Variants in CCDC178 observed in about 807,000 individuals in gnomAD.
CCDC178 encodes the protein coiled-coil domain-containing protein 178.
In CCDC178, 126 loss-of-function variants were observed where a neutral mutation model predicts 117.4. The observed-to-expected ratio is 1.07, with a 90% CI of 0.93 to 1.24. The LOEUF is 1.24. Among genes scored for constraint, CCDC178 ranks in the 50% most tolerant of loss-of-function variants. CCDC178 has a pLI of 0.00. For synonymous variants in CCDC178, 283 were observed against 313.4 expected (o/e 0.90, Z 1.02); for missense variants, 1,030 against 986.9 (o/e 1.04, Z -0.59).
At chr18:33,234,148 C>T (rs1250883586) in intron 15 of CCDC178, among the ~76,000 whole-genome samples, 1 of 152,052 alleles carries the variant, frequency 6.6e-6, no homozygotes, top group African/African-American at 2.4e-5. Flanking sequence ...TGTTTATTTA[C>T]TTCCTCAAAT....
At chr18:33,354,892 G>A (rs907410737) in intron 7 of CCDC178, among the ~76,000 whole-genome samples, 4 of 152,114 alleles carry the variant, frequency 2.6e-5, no homozygotes, top group Non-Finnish European at 4.4e-5. Flanking sequence ...TTACAGGCAT[G>A]AGCCACCGCA....
At chr18:33,179,514 A>G (rs183272416) in intron 20 of CCDC178, among the ~76,000 whole-genome samples, 1 of 152,096 alleles carries the variant, frequency 6.6e-6, no homozygotes, top group African/African-American at 2.4e-5. Flanking sequence ...ACACAAAGGA[A>G]ATATAACCCA....
rs761128297 is a variant in CCDC178 at position 33,224,772 on chromosome 18, T to C, written c.1818+3A>G. On this transcript the variant is annotated splice_donor_region_variant and intron_variant, in intron 17 of 22. Coordinates refer to ENST00000383096, the MANE Select transcript of CCDC178 (RefSeq NM_001105528.4). ...TTAATTTTTGGATTAATTAAATGCT[T>C]ACAACAGAATGTTCTTTGTCGAGAC... 2.0e-6 allele frequency: 3 copies of C among 1,495,184 alleles called. No individual in the cohort carries two copies. In the African/African-American group the frequency reaches 4.3e-5, roughly 21 times the overall value. 92.6% of individuals were successfully genotyped at this position (1,495,184 alleles called of 1,614,324 possible).
rs976616441 is a variant in CCDC178, at chr18:33,412,071, T to C, written c.18A>G (p.Thr6=). 2 of 1,499,918 alleles carry C rather than the reference T, an allele frequency of 1.3e-6. No homozygotes were observed. Among genetic ancestry groups the C allele is most frequent in the South Asian group, 1.2e-5 (1 of 83,500 alleles). The allele number at this position is 1,499,918 out of a possible 1,614,324, so 92.9% of individuals were successfully genotyped here. A position where few individuals can be genotyped will look rare whatever the true frequency, so the allele number is the denominator to read the frequency against. Residue 6 remains threonine (T), a synonymous_variant, in exon 3 of 23, where the codon ACA becomes ACG. Transcript: ENST00000383096. Reference sequence around the variant, plus strand: ...CATCTCTAGTGGAAGAAGAGGAAACTGTCTTGTTTTCAGTCATAGTTATAA... The same window carrying C: ...CATCTCTAGTGGAAGAAGAGGAAACCGTCTTGTTTTCAGTCATAGTTATAA... MTENK[T]VSSSSTRDDQ...
chr18:33,052,830 C>T (rs2056768034), intron 21 of CCDC178, among the ~76,000 whole-genome samples: 1 of 152,076 alleles, frequency 6.6e-6, no homozygotes, highest in African/African-American at 2.4e-5. Flanking sequence ...CTATTATTAA[C>T]ATGTATTTTG....
intron 20 of CCDC178, among the ~76,000 whole-genome samples, chr18:33,197,266 C>T (rs777905939): frequency 2.6e-5 from 4 of 152,248 alleles, no homozygotes; most frequent in African/African-American, 7.2e-5. Flanking sequence ...TAGACTCAAG[C>T]GATCCTCATG....
At chr18:33,369,927 T>G in intron 6 of CCDC178, 123 bp downstream of exon 6, 1 of 806,016 alleles carries the variant, frequency 1.2e-6, no homozygotes, top group Non-Finnish European at 1.9e-6. Context: ...TGAGCAAAGA[T>G]TCTTAAAAAG....
At chr18:33,005,594 ATAAC>A (rs1363302994) in intron 21 of CCDC178, among the ~76,000 whole-genome samples, 1 of 152,094 alleles carries the variant, frequency 6.6e-6, no homozygotes, top group Non-Finnish European at 1.5e-5. Context: ...ACATTTTAAA[ATAAC>A]TAATAGAGAA....
In CCDC178 at chr18:33,374,964, T is replaced by G. The variant is rs535976752; in HGVS notation, c.209-4775A>C. Reference sequence around the variant, plus strand: ...GTTGTGGGAGTGAGTTAAAGTAATCTTGTCTGTAGAGGGGGCACGAATGAA... The same window carrying G: ...GTTGTGGGAGTGAGTTAAAGTAATCGTGTCTGTAGAGGGGGCACGAATGAA... On this transcript the variant is annotated intron_variant, in intron 5 of 22. Coordinates refer to ENST00000383096, the MANE Select transcript of CCDC178 (RefSeq NM_001105528.4). Among the ~76,000 whole-genome samples, 30 of 152,274 alleles carry G rather than the reference T, an allele frequency of 2.0e-4. 1 individual carries two copies. Among genetic ancestry groups the G allele is most frequent in the African/African-American group, 7.0e-4 (29 of 41,558 alleles).
At chr18:33,241,653 TTAAC>T (rs1453543690) in intron 15 of CCDC178, among the ~76,000 whole-genome samples, 3 of 151,224 alleles carry the variant, frequency 2.0e-5, no homozygotes, top group Non-Finnish European at 4.4e-5. Flanking sequence ...AAGAATGAAT[TTAAC>T]TAACGAGGTG....
chr18:33,232,114 G>A (rs1442886326), intron 15 of CCDC178, among the ~76,000 whole-genome samples: 1 of 152,170 alleles, frequency 6.6e-6, no homozygotes, highest in East Asian at 1.9e-4. Context: ...CTTGGAAGAA[G>A]CCTGGAGCAA....
At chr18:33,203,728 C>T (rs1353212202) in intron 20 of CCDC178, among the ~76,000 whole-genome samples, 1 of 152,152 alleles carries the variant, frequency 6.6e-6, no homozygotes, top group Non-Finnish European at 1.5e-5. Flanking sequence ...ATGTCAAATT[C>T]CTTAAAAGGG....
chr18:33,256,881 C>A (rs2059686605), intron 14 of CCDC178, among the ~76,000 whole-genome samples: 1 of 152,012 alleles, frequency 6.6e-6, no homozygotes, highest in African/African-American at 2.4e-5. Context: ...CAACTGCCTG[C>A]ACTTTTTGGA....
intron 11 of CCDC178, among the ~76,000 whole-genome samples, chr18:33,307,938 C>A (rs1161514698): frequency 6.6e-6 from 1 of 152,172 alleles, no homozygotes; most frequent in African/African-American, 2.4e-5. Flanking sequence ...ACATGGATGT[C>A]CAGGAAGAAG....
intron 2 of CCDC178, among the ~76,000 whole-genome samples, chr18:33,439,571 T>C (rs1427080716): frequency 1.3e-5 from 2 of 152,192 alleles, no homozygotes; most frequent in African/African-American, 2.4e-5. Context: ...TGAACATAAA[T>C]AGCTGAAAAT....
chr18:33,202,650 C>CT (rs1156502361), intron 20 of CCDC178, among the ~76,000 whole-genome samples: 1 of 152,106 alleles, frequency 6.6e-6, no homozygotes, highest in Non-Finnish European at 1.5e-5. Context: ...GACCAAATCA[C>CT]TTTTTTGTGA....
In CCDC178 at chr18:33,047,331, C is replaced by A. The variant is rs941893499; in HGVS notation, c.2388+45430G>T. ...TAAGTTCATTCCTTTTCTCCCATAA[C>A]GTCTGTGTCTCACAGTTTTAACCAA... On this transcript the variant is annotated intron_variant, in intron 21 of 22. Coordinates refer to ENST00000383096, the MANE Select transcript of CCDC178 (RefSeq NM_001105528.4). Among the ~76,000 whole-genome samples, 2 of 152,164 alleles carry A rather than the reference C, an allele frequency of 1.3e-5. 1 individual carries two copies. Among genetic ancestry groups the A allele is most frequent in the South Asian group, 4.1e-4 (2 of 4,830 alleles).
At chr18:33,286,835 G>A (rs948102483) in intron 12 of CCDC178, among the ~76,000 whole-genome samples, 6 of 151,920 alleles carry the variant, frequency 3.9e-5, no homozygotes, top group African/African-American at 1.5e-4. Context: ...GATAAAATCA[G>A]ATATAAATGC....
At chr18:33,126,328 T>C (rs749476317) in intron 20 of CCDC178, among the ~76,000 whole-genome samples, 1 of 149,566 alleles carries the variant, frequency 6.7e-6, no homozygotes, top group Non-Finnish European at 1.5e-5. Context: ...TAATATTTTG[T>C]GTATATGTGT....
Sources: allele counts gnomAD v4.1 joint callset (sites outside exome capture counted in the v4.1 genomes callset), GRCh38; gene constraint gnomAD v4.1.1; transcripts MANE v1.5; gene names NCBI Gene and HGNC (gene_info 2026-07-23, HGNC 2026-07-21).